Variants in CAMTA1 observed in about 807,000 individuals in gnomAD.
The protein encoded by CAMTA1 is calmodulin binding transcription activator 1.
Under a neutral mutation model 170.9 loss-of-function variants are expected in CAMTA1, and 27 were observed. The ratio of observed to expected loss-of-function variants is 0.16; its 90% CI spans 0.12 to 0.22. The LOEUF (loss-of-function observed/expected upper bound fraction) is 0.22. Among genes scored for constraint, CAMTA1 ranks in the 10% least tolerant of loss-of-function variants. The pLI is 1.00. For synonymous variants in CAMTA1, 833 were observed against 891.5 expected, an observed-to-expected ratio of 0.93 and a Z score of 1.17; for missense variants, 1,619 against 2,217.2, an observed-to-expected ratio of 0.73 and a Z score of 5.42.
At chr1:7,530,812 GT>G (rs34013817) in intron 6 of CAMTA1, among the ~76,000 whole-genome samples, 235 of 100,756 alleles carry the variant, frequency 2.3e-3, no homozygotes, top group African/African-American at 5.3e-3. Context: ...GTGAGCTCTT[GT>G]TTTTTTTTTT....
chr1:6,846,815 C>G (rs1281743578), intron 3 of CAMTA1, among the ~76,000 whole-genome samples: 7 of 152,102 alleles, frequency 4.6e-5, no homozygotes, highest in African/African-American at 1.7e-4. Flanking sequence ...AGGAGACACT[C>G]TTGGTCAGTA....
intron 6 of CAMTA1, among the ~76,000 whole-genome samples, chr1:7,601,987 G>T (rs967299809): frequency 8.4e-6 from 1 of 118,830 alleles, no homozygotes; most frequent in African/African-American, 3.3e-5. Flanking sequence ...GAGGGAGACC[G>T]TGGGGAGAGG....
intron 2 of CAMTA1, 92 bp downstream of exon 2, chr1:6,820,342 C>T: frequency 7.5e-7 from 1 of 1,334,900 alleles, no homozygotes; most frequent in Non-Finnish European, 1.1e-6. Flanking sequence ...AGCCTTCAGC[C>T]CGGACTCAGA....
Position 7,640,501 on chromosome 1 carries a change from G to C in CAMTA1, c.612G>C (p.Lys204Asn). 6.2e-7 allele frequency: 1 copy of C among 1,614,220 alleles called. No individual in the cohort carries two copies. Among genetic ancestry groups the C allele is most frequent in the Non-Finnish European group, 8.5e-7 (1 of 1,180,040 alleles). Residue 204 changes from lysine to asparagine, a missense_variant, in exon 7 of 23, where the codon AAG becomes AAC. By Grantham distance (94) the Lys-to-Asn change is moderately conservative (BLOSUM62 0). Coordinates refer to ENST00000303635, the MANE Select transcript of CAMTA1 (RefSeq NM_015215.4). ...TCTGCTCCATCAACACCGACAAGAA[G>C]GAGTGGGCGAAATGGACGAAAGAAG... ...PILCSINTDK[K>N]EWAKWTKEEL...
intron 4 of CAMTA1, among the ~76,000 whole-genome samples, chr1:7,177,777 A>T (rs1387848049): frequency 6.7e-6 from 1 of 148,754 alleles, no homozygotes; most frequent in Non-Finnish European, 1.5e-5. Context: ...CCACACGCCA[A>T]GGCTCCTCCC....
chr1:7,731,917 C>A (rs757848888), intron 11 of CAMTA1, among the ~76,000 whole-genome samples: 9 of 151,936 alleles, frequency 5.9e-5, no homozygotes, highest in Non-Finnish European at 1.2e-4. Context: ...TGATGCTATT[C>A]CTGAAATAAA....
Position 7,737,570 on chromosome 1 carries a change from G to C in CAMTA1, c.3658G>C (p.Glu1220Gln). The change falls in exon 15 of 23, where the codon GAG becomes CAG. Residue 1220 changes from glutamate (E) to glutamine (Q), a missense_variant and splice_region_variant. Physicochemically the swap from Glu to Gln is conservative, Grantham distance 29 (BLOSUM62 2). This residue lies in a region of CAMTA1 where 370 missense variants were observed against 429.4 expected (regional missense o/e 0.86). Coordinates refer to ENST00000303635, the MANE Select transcript of CAMTA1 (RefSeq NM_015215.4). Reference sequence around the variant, plus strand: ...CACTGTTATTGCAAGCACCAACCCAGGTAAGAATTCAGAATCATGACATCT... The same window carrying C: ...CACTGTTATTGCAAGCACCAACCCACGTAAGAATTCAGAATCATGACATCT... Reference protein sequence around the residue: ...GVTVIASTNPELRRPRSEPSN... With the variant: ...GVTVIASTNPQLRRPRSEPSN... 6.3e-7 allele frequency: 1 copy of C among 1,599,202 alleles called. No individual in the cohort carries two copies. The highest frequency in any genetic ancestry group is 8.5e-7 in the Non-Finnish European group (1 of 1,171,394).
chr1:7,526,335 C>A (rs953517594), intron 6 of CAMTA1, among the ~76,000 whole-genome samples: 33 of 152,218 alleles, frequency 2.2e-4, no homozygotes, highest in African/African-American at 7.5e-4. Flanking sequence ...GCACCAAAGC[C>A]CCAGGCCCAC....
chr1:7,406,027 A>T (rs1040019165), intron 5 of CAMTA1, among the ~76,000 whole-genome samples: 1 of 152,142 alleles, frequency 6.6e-6, no homozygotes, highest in Non-Finnish European at 1.5e-5. Context: ...CTCACAGAAC[A>T]CTCTGGACAG....
At chr1:7,752,605 C>A in intron 21 of CAMTA1, 72 bp downstream of exon 21, 1 of 1,177,944 alleles carries the variant, frequency 8.5e-7, no homozygotes, top group Non-Finnish European at 1.2e-6. Context: ...TTAACCCTCA[C>A]TAACTCCTAT....
intron 6 of CAMTA1, among the ~76,000 whole-genome samples, chr1:7,554,390 A>G (rs2094848519): frequency 6.6e-6 from 1 of 152,082 alleles, no homozygotes; most frequent in Non-Finnish European, 1.5e-5. Context: ...TCTTAGTTCT[A>G]AACCACTTGC....
Position 7,663,429 on chromosome 1 carries a change from AG to A in CAMTA1, c.888del (p.Tyr297ThrfsTer93). On this transcript the variant is annotated frameshift_variant, in exon 9 of 23. Transcript: ENST00000303635. LOFTEE classifies it high-confidence loss of function. ...TCTCGCCCAAGGTGGAGCCACGGAC[AG>A]GGGGGTACGGGAGCCACTCGGAGGT... is the stretch of plus-strand genomic sequence containing the variant. The part of the protein sequence containing the change: ...IISPKVEPRT[G>X]GYGSHSEVQH... The A allele has an allele frequency of 3.2e-6, 5 of 1,569,336 alleles. No homozygotes were observed. Among genetic ancestry groups the A allele is most frequent in the Admixed American group, 3.5e-5 (2 of 56,352 alleles).
intron 3 of CAMTA1, among the ~76,000 whole-genome samples, chr1:7,012,678 C>T (rs760633413): frequency 3.9e-5 from 6 of 152,188 alleles, no homozygotes; most frequent in African/African-American, 7.2e-5. Flanking sequence ...TCCTTCCCTT[C>T]GTGCCACCTC....
At chr1:7,697,081 T>C (rs2096384295) in intron 11 of CAMTA1, among the ~76,000 whole-genome samples, 1 of 152,146 alleles carries the variant, frequency 6.6e-6, no homozygotes, top group Admixed American at 6.5e-5. Flanking sequence ...GCCTAGGGCA[T>C]CCTGGCCAAC....
chr1:6,855,855 A>C (rs1193149205), intron 3 of CAMTA1, among the ~76,000 whole-genome samples: 1 of 152,172 alleles, frequency 6.6e-6, no homozygotes, highest in Non-Finnish European at 1.5e-5. Flanking sequence ...TGCAAGGAAG[A>C]GTCTCTCCTT....
chr1:6,786,261 C>G (rs1234290944), intron 1 of CAMTA1, among the ~76,000 whole-genome samples: 2 of 151,990 alleles, frequency 1.3e-5, no homozygotes, highest in Non-Finnish European at 2.9e-5. Context: ...CTTCGCTTCC[C>G]GGGAAGGGAA....
intron 3 of CAMTA1, among the ~76,000 whole-genome samples, chr1:7,038,884 AC>A (rs1704022725): frequency 6.6e-6 from 1 of 152,082 alleles, no homozygotes; most frequent in South Asian, 2.1e-4. Context: ...TACCAAAAAT[AC>A]AAAAATTAGC....
chr1:6,888,929 C>T (rs1257373024), intron 3 of CAMTA1, among the ~76,000 whole-genome samples: 1 of 151,676 alleles, frequency 6.6e-6, no homozygotes, highest in African/African-American at 2.4e-5. Context: ...TAACTTGTAA[C>T]GAATTGTTTA....
intron 1 of CAMTA1, among the ~76,000 whole-genome samples, chr1:6,792,257 C>T (rs1054251049): frequency 2.6e-5 from 4 of 151,754 alleles, no homozygotes; most frequent in East Asian, 3.9e-4. Context: ...TGTGCCTGGC[C>T]GGAAGTGTTT....
Sources: allele counts gnomAD v4.1 joint callset (sites outside exome capture counted in the v4.1 genomes callset), GRCh38; gene constraint gnomAD v4.1.1; regional missense constraint gnomAD v4.1.1; transcripts MANE v1.5; gene names NCBI Gene and HGNC (gene_info 2026-07-23, HGNC 2026-07-21).